The following RAF1 variants were observed in gnomAD, a reference collection of about 807,000 sequenced individuals.
The protein encoded by RAF1 is Raf-1 proto-oncogene, serine/threonine kinase, also known as RAF proto-oncogene serine/threonine-protein kinase.
RAF1 carries 27 observed loss-of-function variants against 81.1 expected under a neutral mutation model. That is an observed-to-expected ratio of 0.33 (90% CI 0.25 to 0.46). The LOEUF (loss-of-function observed/expected upper bound fraction) is 0.46, where lower values mean the gene tolerates loss of function less well. Among genes scored for constraint, RAF1 ranks in the 20% least tolerant of loss-of-function variants. The pLI, the probability that RAF1 is intolerant of heterozygous loss-of-function variation, is 1.00. For synonymous variants in RAF1, 298 were observed against 294.0 expected (o/e 1.01, Z -0.14); for missense variants, 598 against 826.0 (o/e 0.72, Z 3.38).
At chr3:12,646,130 G>A (rs572028822) in intron 1 of RAF1, among the ~76,000 whole-genome samples, 1 of 152,136 alleles carries the variant, frequency 6.6e-6, no homozygotes, top group South Asian at 2.1e-4. Context: ...AATAGATGGT[G>A]TATCAAAAAT....
rs138526469 is a variant in RAF1 at position 12,627,846 on chromosome 3, A to T, written c.-26-9099T>A. On this transcript the variant is annotated intron_variant, in intron 1 of 17. Transcript: ENST00000442415. ...TTAGAAAGTTAGAGTGTGGCCAGGC[A>T]CACTGGCTCACGCCTGTAATCCTAG... is the stretch of plus-strand genomic sequence containing the variant. 2.3e-4 allele frequency among the ~76,000 whole-genome samples: 35 copies of T among 152,358 alleles called. No homozygotes were observed. In the East Asian group the frequency reaches 6.6e-3, roughly 29 times the overall value.
chr3:12,636,624 T>A (rs992124061), intron 1 of RAF1, among the ~76,000 whole-genome samples: 1 of 151,808 alleles, frequency 6.6e-6, no homozygotes, highest in African/African-American at 2.4e-5. Context: ...CTGGGCAACA[T>A]GGCGAAACCC....
intron 1 of RAF1, among the ~76,000 whole-genome samples, chr3:12,645,599 G>C (rs573792401): frequency 2.0e-5 from 3 of 152,240 alleles, no homozygotes; most frequent in East Asian, 3.9e-4. Flanking sequence ...TGAAACCTAG[G>C]ACTTAATTTT....
chr3:12,598,147 T>A (rs2058740674), intron 11 of RAF1, among the ~76,000 whole-genome samples: 1 of 151,378 alleles, frequency 6.6e-6, no homozygotes, highest in African/African-American at 2.4e-5. Context: ...GCCTTCCAAG[T>A]AGCTGGGACT....
In RAF1 at chr3:12,583,807, C is replaced by T. The variant is rs373416803; in HGVS notation, c.*707G>A. Reference sequence around the variant, plus strand: ...TGTTAGAGAAACAAGGCTGGCCCTGCGGCCCCGCCCCATAGGGGCAGCTCC... The same window carrying T: ...TGTTAGAGAAACAAGGCTGGCCCTGTGGCCCCGCCCCATAGGGGCAGCTCC... On this transcript the variant is annotated 3_prime_UTR_variant, in exon 18 of 18. Transcript: ENST00000442415. The T allele has an allele frequency of 3.0e-5, 7 of 233,338 alleles. No individual in the cohort carries two copies. The highest frequency in any genetic ancestry group is 8.9e-5 in the African/African-American group (4 of 45,034). 14.5% of individuals were successfully genotyped at this position (233,338 alleles called of 1,614,324 possible).
chr3:12,632,272 C>G (rs572347847), intron 1 of RAF1, among the ~76,000 whole-genome samples: 2 of 140,490 alleles, frequency 1.4e-5, no homozygotes, highest in Non-Finnish European at 3.0e-5. Context: ...TGCAGTGAGC[C>G]GAGATTGCAC....
intron 1 of RAF1, among the ~76,000 whole-genome samples, chr3:12,643,829 G>A (rs545849701): frequency 6.6e-6 from 1 of 152,160 alleles, no homozygotes; most frequent in East Asian, 1.9e-4. Context: ...ATCTTACATA[G>A]GAATCTTGTA....
chr3:12,610,596 G>A (rs752455546), intron 3 of RAF1, among the ~76,000 whole-genome samples: 7 of 152,124 alleles, frequency 4.6e-5, no homozygotes, highest in African/African-American at 9.7e-5. Context: ...AAAAGTTAAC[G>A]TCTGCTTCAA....
chr3:12,610,626 C>T (rs759006528), intron 3 of RAF1, among the ~76,000 whole-genome samples: 5 of 152,176 alleles, frequency 3.3e-5, no homozygotes, highest in Admixed American at 1.3e-4. Flanking sequence ...CTTCAACAAA[C>T]GCCTCCTAAA....
At chr3:12,620,866 A>C (rs1386744965) in intron 1 of RAF1, among the ~76,000 whole-genome samples, 1 of 152,112 alleles carries the variant, frequency 6.6e-6, no homozygotes, top group Non-Finnish European at 1.5e-5. Context: ...TTAAATTTAA[A>C]GTCCATGAAT....
chr3:12,662,338 TAAAAAAAAAAAAAAA>T (rs61275660), intron 1 of RAF1, among the ~76,000 whole-genome samples: 1,047 of 100,918 alleles, frequency 0.01, 27 homozygotes, highest in African/African-American at 0.039. Flanking sequence ...CCTGTTCCTT[TAAAAAAAAAAAAAAA>T]AAAAAAAAAA....
intron 2 of RAF1, among the ~76,000 whole-genome samples, chr3:12,614,541 C>T (rs970982626): frequency 6.6e-6 from 1 of 151,978 alleles, no homozygotes; most frequent in Admixed American, 6.6e-5. Flanking sequence ...AAGTGATCCC[C>T]CTGCCTCAGC....
intron 1 of RAF1, among the ~76,000 whole-genome samples, chr3:12,634,341 G>A (rs1329139615): frequency 6.6e-6 from 1 of 151,220 alleles, no homozygotes; most frequent in Non-Finnish European, 1.5e-5. Flanking sequence ...AGTAGAGATG[G>A]CGTTTCGCCA....
In RAF1 at chr3:12,600,427, A is replaced by G; in HGVS notation, c.895-12T>C. On this transcript the variant is annotated splice_polypyrimidine_tract_variant and intron_variant, in intron 8 of 17. Transcript: ENST00000442415. ...CTTCGAATTGCATCCTGAAACAGAAAAGGAAAGCTGGTCAACTCCTACACA... is the reference window on the plus strand; with the variant it reads ...CTTCGAATTGCATCCTGAAACAGAAGAGGAAAGCTGGTCAACTCCTACACA... 1 of 1,614,160 alleles carries G rather than the reference A, an allele frequency of 6.2e-7. No homozygotes were observed. The highest frequency in any genetic ancestry group is 8.5e-7 in the Non-Finnish European group (1 of 1,179,990).
At chr3:12,638,854 G>A (rs1468346919) in intron 1 of RAF1, among the ~76,000 whole-genome samples, 4 of 152,056 alleles carry the variant, frequency 2.6e-5, no homozygotes, top group Admixed American at 6.6e-5. Context: ...TGGCCAACAC[G>A]GCCTAAAAAT....
At chr3:12,620,136 A>ATTTTC (rs569177072) in intron 1 of RAF1, among the ~76,000 whole-genome samples, 391 of 151,806 alleles carry the variant, frequency 2.6e-3, no homozygotes, top group Non-Finnish European at 3.6e-3. Context: ...AACCCCAAAG[A>ATTTTC]TTTTCTTTTC....
At chr3:12,634,296 A>G (rs1575631235) in intron 1 of RAF1, among the ~76,000 whole-genome samples, 1 of 149,842 alleles carries the variant, frequency 6.7e-6, no homozygotes, top group Non-Finnish European at 1.5e-5. Context: ...ACAAGCACAC[A>G]CTACCACGCC....
intron 5 of RAF1, among the ~76,000 whole-genome samples, chr3:12,607,597 G>A (rs1459872555): frequency 6.6e-6 from 1 of 152,036 alleles, no homozygotes; most frequent in East Asian, 1.9e-4. Context: ...ACAGTGAGCT[G>A]TGATCATGCC....
intron 1 of RAF1, among the ~76,000 whole-genome samples, chr3:12,657,220 A>C (rs1216353208): frequency 6.6e-6 from 1 of 152,172 alleles, no homozygotes; most frequent in Non-Finnish European, 1.5e-5. Flanking sequence ...GTATATACTT[A>C]GTCTGGTAGC....
Sources: allele counts gnomAD v4.1 joint callset (sites outside exome capture counted in the v4.1 genomes callset), GRCh38; gene constraint gnomAD v4.1.1; transcripts MANE v1.5; gene names NCBI Gene and HGNC (gene_info 2026-07-23, HGNC 2026-07-21).